Variants in MECR observed in about 807,000 individuals in gnomAD.
MECR encodes enoyl-[acyl-carrier-protein] reductase, mitochondrial.
A neutral mutation model predicts 49.1 loss-of-function variants in MECR; 37 were observed. The ratio of observed to expected loss-of-function variants is 0.75; its 90% CI spans 0.58 to 0.99. The LOEUF (loss-of-function observed/expected upper bound fraction) is 0.99. MECR is among the 50% of genes least tolerant of loss of function. The pLI is 0.00. For missense variants in MECR, 470 were observed against 479.6 expected (o/e 0.98, Z 0.19); for synonymous variants, 198 against 191.1 (o/e 1.04, Z -0.30).
In MECR at chr1:29,216,703, C is replaced by T. The variant is rs771222891; in HGVS notation, c.177-18G>A. 53 of 1,614,010 alleles carry T rather than the reference C, an allele frequency of 3.3e-5. 2 individuals carry two copies. In the East Asian group the frequency reaches 7.8e-4, roughly 24 times the overall value. On this transcript the variant is annotated intron_variant, in intron 1 of 9. Transcript: ENST00000263702. ...TCTTGAGTCTAAGCACAAAGCCAAACGGAGATGTTCATGTCATCCAGGCTA... is the reference window on the plus strand; with the variant it reads ...TCTTGAGTCTAAGCACAAAGCCAAATGGAGATGTTCATGTCATCCAGGCTA...
intron 1 of MECR, among the ~76,000 whole-genome samples, chr1:29,225,542 G>T (rs1050533381): frequency 5.9e-5 from 9 of 152,016 alleles, no homozygotes; most frequent in African/African-American, 2.2e-4. Flanking sequence ...GAGGCTCTGA[G>T]GGCAACGACC....
At chr1:29,171,203 T>C in the MECR span, 1 of 151,736 alleles carries the variant, frequency 6.6e-6, no homozygotes, top group East Asian at 1.9e-4. Flanking sequence ...TCACTAGCAG[T>C]CTCCAACTAA....
intron 3 of MECR, among the ~76,000 whole-genome samples, chr1:29,212,167 C>G (rs2151886382): frequency 6.6e-6 from 1 of 152,334 alleles, no homozygotes; most frequent in South Asian, 2.1e-4. Flanking sequence ...GCCTGTAATC[C>G]CAACATTTTG....
At chr1:29,173,958 G>A in the MECR span, among the ~76,000 whole-genome samples, 9 of 151,824 alleles carry the variant, frequency 5.9e-5, no homozygotes, top group Admixed American at 5.9e-4. Flanking sequence ...GGAGGATGAG[G>A]TGGGCGGATC....
the MECR span, among the ~76,000 whole-genome samples, chr1:29,181,271 A>G: frequency 2.6e-5 from 4 of 152,322 alleles, no homozygotes; most frequent in African/African-American, 7.2e-5. Context: ...TAGTCCTCAG[A>G]GCGGGAAAGG....
the MECR span, chr1:29,169,130 T>A: frequency 3.9e-5 from 6 of 152,380 alleles, no homozygotes; most frequent in East Asian, 1.2e-3. Context: ...TTATGCTAAG[T>A]GCTTTACACA....
At chr1:29,221,809 G>T (rs775922240) in intron 1 of MECR, among the ~76,000 whole-genome samples, 42 of 152,166 alleles carry the variant, frequency 2.8e-4, no homozygotes, top group Admixed American at 1.1e-3. Context: ...CTTATTCTGG[G>T]TGATTTCACT....
rs545395664 is a variant in MECR at position 29,201,851 on chromosome 1, A to C, written c.756+92T>G. On this transcript the variant is annotated intron_variant, in intron 6 of 9. Transcript: ENST00000263702. This position sits in a 1 kb window ranked among gnomAD's most constrained non-coding sequence, Gnocchi z 4.3. ...AAAGGGAGGTTTCCAGAGAGGAACA[A>C]TGGGGCCAGTCCCCAGTTTCTCTAA... The C allele has an allele frequency of 4.5e-6, 5 of 1,114,472 alleles. No individual in the cohort carries two copies. The East Asian group carries it at 7.0e-5, about 16-fold the overall frequency. 69.0% of individuals were successfully genotyped at this position (1,114,472 alleles called of 1,614,324 possible).
chr1:29,207,037 AG>A, intron 3 of MECR, 132 bp from the exon 4 acceptor site: 2 of 918,778 alleles, frequency 2.2e-6, no homozygotes, highest in Non-Finnish European at 3.3e-6. Flanking sequence ...GATAGCATCC[AG>A]GATGTTTAGA....
the MECR span, among the ~76,000 whole-genome samples, chr1:29,177,893 A>ATTTTTTTTT: frequency 6.4e-5 from 6 of 93,636 alleles, no homozygotes; most frequent in African/African-American, 2.2e-4. Context: ...ATTACACAAG[A>ATTTTTTTTT]TTTTTTTTTT....
downstream of MECR, among the ~76,000 whole-genome samples, chr1:29,191,859 C>T (rs964927671): frequency 2.6e-5 from 4 of 152,030 alleles, no homozygotes; most frequent in African/African-American, 7.2e-5. Flanking sequence ...TTTGGGAGGC[C>T]GAGGTGGGTG....
In MECR at chr1:29,192,879, A is replaced by G. The variant is rs528414530; in HGVS notation, c.*1143T>C. On this transcript the variant is annotated 3_prime_UTR_variant, in exon 10 of 10. Transcript: ENST00000263702. ...CTTTACAGCATTAGTCACTATGGTA[A>G]TTACTGTGAGATTGTTTAATGCACG... is the stretch of plus-strand genomic sequence containing the variant. 6.6e-6 allele frequency: 1 copy of G among 152,080 alleles called. No individual in the cohort carries two copies. The highest frequency in any genetic ancestry group is 1.5e-5 in the Non-Finnish European group (1 of 67,998). The allele number at this position is 152,080 out of a possible 1,614,324, so 9.4% of individuals were successfully genotyped here. A position where few individuals can be genotyped will look rare whatever the true frequency, so the allele number is the denominator to read the frequency against.
At position 29,200,690 on chromosome 1, in the gene MECR, G is replaced by A. The variant is rs890084078; in HGVS notation, c.757-101C>T. 3.0e-6 allele frequency: 3 copies of A among 986,192 alleles called. No homozygotes were observed. In the African/African-American group the frequency reaches 4.8e-5, roughly 16 times the overall value. 61.1% of individuals were successfully genotyped at this position (986,192 alleles called of 1,614,324 possible). ...GTTAAAAGGAGGGAGTAAATGAGAT[G>A]TTTATGCCTTTGTTTGCGTGCACGT... On this transcript the variant is annotated intron_variant, in intron 6 of 9. Coordinates refer to ENST00000263702, the MANE Select transcript of MECR (RefSeq NM_016011.5).
chr1:29,201,512 T>C lies in MECR; in HGVS notation c.756+431A>G. ...ATTTCCTCTTTTCTGAGTCTTAGTT[T>C]CCTAATCTGTAAAACAGATAACAGT... On this transcript the variant is annotated intron_variant, in intron 6 of 9. Coordinates refer to ENST00000263702, the MANE Select transcript of MECR (RefSeq NM_016011.5). The surrounding 1 kb of genome is among the most constrained non-coding windows in gnomAD (Gnocchi z 4.3). 1 of 473,382 alleles carries C rather than the reference T, an allele frequency of 2.1e-6. No individual in the cohort carries two copies. Among genetic ancestry groups the C allele is most frequent in the African/African-American group, 2.0e-5 (1 of 50,256 alleles). 29.3% of individuals were successfully genotyped at this position (473,382 alleles called of 1,614,324 possible).
chr1:29,222,794 CCCA>C (rs1256515060), intron 1 of MECR, among the ~76,000 whole-genome samples: 1 of 152,054 alleles, frequency 6.6e-6, no homozygotes, highest in East Asian at 1.9e-4. Context: ...GGGGGCTGGC[CCCA>C]CATTTGCTGC....
chr1:29,181,660 C>T, the MECR span: 1 of 1,592,554 alleles, frequency 6.3e-7, no homozygotes, highest in Non-Finnish European at 8.5e-7. Flanking sequence ...TCTTCAGATC[C>T]ACCTCCAGGA....
At chr1:29,181,861 G>C in the MECR span, 2 of 907,106 alleles carry the variant, frequency 2.2e-6, no homozygotes, top group Non-Finnish European at 3.0e-6. Flanking sequence ...CGGGCGGCGG[G>C]ACGGACGCAG....
the MECR span, chr1:29,169,084 A>G: frequency 6.6e-6 from 1 of 151,996 alleles, no homozygotes; most frequent in East Asian, 1.9e-4. Context: ...AATAATTACT[A>G]CTCCTATTTT....
downstream of MECR, among the ~76,000 whole-genome samples, chr1:29,192,090 CAAA>C (rs907597622): frequency 7.0e-6 from 1 of 142,330 alleles, no homozygotes; most frequent in Admixed American, 7.0e-5. Flanking sequence ...GACTTCGTCT[CAAA>C]AAAAAAAACA....
Sources: gnomAD v4.1 joint callset for allele counts (sites outside exome capture counted in the v4.1 genomes callset) on GRCh38, gnomAD v4.1.1 for gene constraint, Gnocchi (gnomAD v3.1) non-coding constraint, MANE v1.5 for transcripts, NCBI Gene and HGNC (gene_info 2026-07-23, HGNC 2026-07-21) for gene names.